PTPRD: variants seen among roughly 807,000 people sequenced by gnomAD.
The protein encoded by PTPRD is receptor-type tyrosine-protein phosphatase delta.
In PTPRD, 34 loss-of-function variants were observed where a neutral mutation model predicts 214.5. The observed-to-expected ratio is 0.16, with a 90% CI of 0.12 to 0.21. The LOEUF (loss-of-function observed/expected upper bound fraction) is 0.21, where lower values mean the gene tolerates loss of function less well. PTPRD is among the 10% of genes least tolerant of loss of function. PTPRD has a pLI of 1.00. For missense variants in PTPRD, 2,545 were observed against 2,398.7 expected, an observed-to-expected ratio of 1.06 and a Z score of -1.27; for synonymous variants, 1,128 against 845.7, an observed-to-expected ratio of 1.33 and a Z score of -5.79.
At chr9:9,490,359 G>A (rs1035445743) in intron 8 of PTPRD, among the ~76,000 whole-genome samples, 13 of 152,030 alleles carry the variant, frequency 8.6e-5, no homozygotes, top group African/African-American at 2.9e-4. Context: ...AATTATAAAA[G>A]CTAGTATTAT....
chr9:10,024,850 A>C (rs1169647153), intron 4 of PTPRD, among the ~76,000 whole-genome samples: 2 of 135,530 alleles, frequency 1.5e-5, no homozygotes, highest in Non-Finnish European at 1.5e-5. Context: ...CTCATTGTTC[A>C]ATTCCCACCT....
At chr9:10,498,992 G>A (rs1324956224) in intron 2 of PTPRD, among the ~76,000 whole-genome samples, 6 of 284 alleles carry the variant, frequency 0.021, 3 homozygotes, top group African/African-American at 0.021. Flanking sequence ...CCGAGATCCC[G>A]CCACTGCACT....
rs570370218 is a variant in PTPRD, at chr9:10,433,120, A to G, written c.-599-92103T>C. Among the ~76,000 whole-genome samples, 3 of 151,900 alleles carry G rather than the reference A, an allele frequency of 2.0e-5. No individual in the cohort carries two copies. In the South Asian group the frequency reaches 6.2e-4, roughly 32 times the overall value. ...TATGTGTTTGTCCTTTTCTTTAGGG[A>G]AGATGTTACTAGATCAAAAGCAGCT... On this transcript the variant is annotated intron_variant, in intron 2 of 45. Transcript: ENST00000381196.
At chr9:10,525,463 T>C (rs993715937) in intron 2 of PTPRD, among the ~76,000 whole-genome samples, 9 of 152,010 alleles carry the variant, frequency 5.9e-5, no homozygotes, top group Non-Finnish European at 1.2e-4. Context: ...ATATGAAAAT[T>C]AATCCAACAA....
intron 8 of PTPRD, among the ~76,000 whole-genome samples, chr9:9,438,071 T>C (rs964215177): frequency 6.6e-6 from 1 of 152,190 alleles, no homozygotes; most frequent in Admixed American, 6.5e-5. Context: ...TCCCTCTGTG[T>C]GCTTCTCTCT....
At position 9,954,509 on chromosome 9, in the gene PTPRD, C is replaced by T. The variant is rs184400601; in HGVS notation, c.-471-15899G>A. ...TAATAAGAACATTACTTATAAAATA[C>T]ATAATCAGACAATAAATTTTTCATA... On this transcript the variant is annotated intron_variant, in intron 4 of 45. Transcript: ENST00000381196. 1.1e-4 allele frequency among the ~76,000 whole-genome samples: 16 copies of T among 151,726 alleles called. No individual in the cohort carries two copies. The East Asian group carries it at 2.9e-3, about 28-fold the overall frequency.
rs942697900 is a variant in PTPRD at position 8,317,723 on chromosome 9, T to C, written c.*151A>G. Reference sequence around the variant, plus strand: ...GAATTCTTGGTCCACCTGGAATAATTTGTTTTTAATTTGTTTTGTGTGTAA... The same window carrying C: ...GAATTCTTGGTCCACCTGGAATAATCTGTTTTTAATTTGTTTTGTGTGTAA... On this transcript the variant is annotated 3_prime_UTR_variant, in exon 46 of 46. Transcript: ENST00000381196. 1.7e-6 allele frequency: 1 copy of C among 585,804 alleles called. No individual in the cohort carries two copies. The highest frequency in any genetic ancestry group is 3.1e-6 in the Non-Finnish European group (1 of 324,284). 36.3% of individuals were successfully genotyped at this position (585,804 alleles called of 1,614,324 possible).
At chr9:10,150,224 A>C (rs190524146) in intron 3 of PTPRD, among the ~76,000 whole-genome samples, 147 of 152,306 alleles carry the variant, frequency 9.7e-4, no homozygotes, top group Middle Eastern at 3.4e-3. Flanking sequence ...ACCAATAAGA[A>C]ATGGTGAAAT....
intron 9 of PTPRD, among the ~76,000 whole-genome samples, chr9:9,326,975 T>A (rs775491799): frequency 6.6e-6 from 1 of 152,134 alleles, no homozygotes. Flanking sequence ...TTGGGAGCAG[T>A]GTATGGCTTT....
chr9:9,219,452 C>T (rs571010793), intron 9 of PTPRD, among the ~76,000 whole-genome samples: 1 of 151,868 alleles, frequency 6.6e-6, no homozygotes, highest in Non-Finnish European at 1.5e-5. Context: ...GAATCTAATA[C>T]CAAAGACATG....
chr9:8,626,327 T>C (rs2096033483), intron 14 of PTPRD, among the ~76,000 whole-genome samples: 1 of 151,866 alleles, frequency 6.6e-6, no homozygotes, highest in Non-Finnish European at 1.5e-5. Flanking sequence ...AAAGATGGCC[T>C]AGGTTAACTT....
At chr9:9,432,086 AAT>A (rs2083417354) in intron 8 of PTPRD, among the ~76,000 whole-genome samples, 1 of 149,090 alleles carries the variant, frequency 6.7e-6, no homozygotes, top group South Asian at 2.1e-4. Context: ...TAATAATAAT[AAT>A]AAAAGAAACA....
chr9:9,396,706 G>A (rs536033731), intron 9 of PTPRD, among the ~76,000 whole-genome samples: 2 of 152,010 alleles, frequency 1.3e-5, no homozygotes, highest in Admixed American at 6.6e-5. Flanking sequence ...TTTCCTTATC[G>A]CAATTGAATA....
At chr9:10,465,942 T>C (rs933682767) in intron 2 of PTPRD, among the ~76,000 whole-genome samples, 9 of 152,178 alleles carry the variant, frequency 5.9e-5, no homozygotes, top group Non-Finnish European at 1.0e-4. Context: ...TAAAAATGCA[T>C]AGATTTAGGA....
rs930556719 is a variant in PTPRD, at chr9:8,815,431, G to A, written c.-103-81485C>T. Among the ~76,000 whole-genome samples the A allele has an allele frequency of 5.9e-5, 9 of 152,240 alleles. No individual in the cohort carries two copies. In the East Asian group the frequency reaches 1.7e-3, roughly 29 times the overall value. ...TTCCCAATAGTTTGTTTAACCAGCA[G>A]GGTCATTTCAGGCAACTCAGATGAA... On this transcript the variant is annotated intron_variant, in intron 11 of 45. Transcript: ENST00000381196.
intron 5 of PTPRD, among the ~76,000 whole-genome samples, chr9:9,857,493 C>T (rs988006523): frequency 1.3e-5 from 2 of 152,126 alleles, no homozygotes; most frequent in African/African-American, 4.8e-5. Context: ...CTCCTATAGC[C>T]TAATAGAGTC....
intron 39 of PTPRD, among the ~76,000 whole-genome samples, chr9:8,346,905 T>C (rs541252039): frequency 3.9e-5 from 6 of 152,276 alleles, no homozygotes; most frequent in African/African-American, 1.4e-4. Flanking sequence ...TGTTCTGCTG[T>C]TGCACCTCAA....
chr9:9,360,746 G>A (rs934664750), intron 9 of PTPRD, among the ~76,000 whole-genome samples: 4 of 150,986 alleles, frequency 2.6e-5, no homozygotes, highest in African/African-American at 9.7e-5. Context: ...GTAAATTCCT[G>A]CTTGATGATA....
chr9:8,744,420 G>A (rs1015832939), intron 11 of PTPRD, among the ~76,000 whole-genome samples: 2 of 152,216 alleles, frequency 1.3e-5, no homozygotes, highest in Admixed American at 6.5e-5. Flanking sequence ...ATCAACGAGT[G>A]GATAAAGAAA....
Sources: gnomAD v4.1 joint callset for allele counts (sites outside exome capture counted in the v4.1 genomes callset) on GRCh38, gnomAD v4.1.1 for gene constraint, MANE v1.5 for transcripts, NCBI Gene and HGNC (gene_info 2026-07-23, HGNC 2026-07-21) for gene names.